The following TBC1D22B variants were observed in gnomAD, a reference collection of about 807,000 sequenced individuals.
TBC1D22B encodes the protein TBC1 domain family member 22B.
TBC1D22B carries 32 observed loss-of-function variants against 69.1 expected under a neutral mutation model. The observed-to-expected ratio is 0.46, with a 90% CI of 0.35 to 0.62. The LOEUF is 0.62. Among genes scored for constraint, TBC1D22B ranks in the 20% least tolerant of loss-of-function variants. The pLI is 0.00. For missense variants in TBC1D22B, 462 were observed against 630.9 expected, an observed-to-expected ratio of 0.73 and a Z score of 2.87; for synonymous variants, 206 against 229.8, an observed-to-expected ratio of 0.90 and a Z score of 0.94.
intron 2 of TBC1D22B, among the ~76,000 whole-genome samples, 164 bp downstream of exon 2, chr6:37,269,814 T>C (rs915887040): frequency 6.6e-6 from 1 of 152,252 alleles, no homozygotes; most frequent in Non-Finnish European, 1.5e-5. Flanking sequence ...GGTCCATTGC[T>C]AAATGGGAAA....
At chr6:37,282,150 A>G (rs753230163) in intron 3 of TBC1D22B, 35 bp from the exon 4 acceptor site, 11 of 1,610,324 alleles carry the variant, frequency 6.8e-6, no homozygotes, top group Non-Finnish European at 9.3e-6. Flanking sequence ...TACTCCTCAC[A>G]CAGCCCGTTC....
chr6:37,294,703 A>G (rs1474438183), intron 8 of TBC1D22B, among the ~76,000 whole-genome samples: 1 of 152,222 alleles, frequency 6.6e-6, no homozygotes, highest in Non-Finnish European at 1.5e-5. Context: ...TGTTTATGGC[A>G]TGATTTATTG....
intron 8 of TBC1D22B, among the ~76,000 whole-genome samples, chr6:37,307,519 C>T (rs953016342): frequency 1.3e-5 from 2 of 151,964 alleles, no homozygotes; most frequent in African/African-American, 4.8e-5. Context: ...CCATGCCCGG[C>T]TAATTTTTAT....
chr6:37,330,462 C>T (rs113900811), intron 12 of TBC1D22B, among the ~76,000 whole-genome samples: 10,460 of 152,020 alleles, frequency 0.069, 438 homozygotes, highest in Non-Finnish European at 0.097. Flanking sequence ...TGGTTTCGAT[C>T]TCCTGACCTC....
At position 37,298,160 on chromosome 6, in the gene TBC1D22B, C is replaced by T. The variant is rs554658165; in HGVS notation, c.982+6803C>T. Among the ~76,000 whole-genome samples the T allele has an allele frequency of 3.4e-4, 52 of 151,984 alleles. 1 individual carries two copies. The East Asian group carries it at 8.1e-3, about 24-fold the overall frequency. On this transcript the variant is annotated intron_variant, in intron 8 of 12. Coordinates refer to ENST00000373491, the MANE Select transcript of TBC1D22B (RefSeq NM_017772.4). ...TGTATACCTATGTAACAAACCTGCG[C>T]GTCCTACACATGTATCCCAGAACTT...
At chr6:37,326,604 G>A (rs574486525) in intron 12 of TBC1D22B, among the ~76,000 whole-genome samples, 2 of 152,004 alleles carry the variant, frequency 1.3e-5, no homozygotes, top group South Asian at 2.1e-4. Context: ...CTGGCTTAAC[G>A]GTGAAACCCC....
intron 8 of TBC1D22B, among the ~76,000 whole-genome samples, chr6:37,306,043 G>A (rs1562060269): frequency 6.6e-6 from 1 of 152,198 alleles, no homozygotes; most frequent in South Asian, 2.1e-4. Context: ...TGCCAGCAGT[G>A]TGTGGAGATA....
intron 2 of TBC1D22B, among the ~76,000 whole-genome samples, chr6:37,270,854 A>G (rs1452967751): frequency 1.3e-5 from 2 of 152,180 alleles, no homozygotes; most frequent in South Asian, 2.1e-4. Flanking sequence ...AGGGAAGTAA[A>G]GATAATGTAC....
At chr6:37,315,504 C>T (rs897796708) in intron 10 of TBC1D22B, among the ~76,000 whole-genome samples, 1 of 151,602 alleles carries the variant, frequency 6.6e-6, no homozygotes, top group Admixed American at 6.6e-5. Context: ...CTACAGTGAG[C>T]CAAGATCGCA....
chr6:37,317,015 A>G (rs1768104820), intron 11 of TBC1D22B, 96 bp from the exon 12 acceptor site: 3 of 1,470,510 alleles, frequency 2.0e-6, no homozygotes, highest in Middle Eastern at 1.7e-4. Context: ...CAACCGTGAA[A>G]GAGTTTCCCA....
chr6:37,302,195 G>T (rs535269850), intron 8 of TBC1D22B, among the ~76,000 whole-genome samples: 2 of 152,324 alleles, frequency 1.3e-5, no homozygotes, highest in Admixed American at 6.5e-5. Flanking sequence ...TATAGCTCTA[G>T]CCTTGCCCCC....
chr6:37,321,435 G>A (rs1345909951), intron 12 of TBC1D22B, among the ~76,000 whole-genome samples: 1 of 152,174 alleles, frequency 6.6e-6, no homozygotes, highest in Non-Finnish European at 1.5e-5. Context: ...GAGGTTGCTA[G>A]CAGGCTTTCT....
chr6:37,282,590 A>G (rs949679351), intron 4 of TBC1D22B, among the ~76,000 whole-genome samples: 2 of 152,214 alleles, frequency 1.3e-5, no homozygotes, highest in East Asian at 3.8e-4. Context: ...TAGTGCAACT[A>G]TTCTGACTTT....
intron 12 of TBC1D22B, among the ~76,000 whole-genome samples, chr6:37,326,431 G>A (rs974105419): frequency 6.6e-6 from 1 of 150,686 alleles, no homozygotes; most frequent in Non-Finnish European, 1.5e-5. Context: ...TTTGTTGGCT[G>A]TTCTTGTTTG....
chr6:37,306,461 G>A (rs867054458), intron 8 of TBC1D22B, among the ~76,000 whole-genome samples: 13 of 152,152 alleles, frequency 8.5e-5, no homozygotes, highest in African/African-American at 2.7e-4. Context: ...TCTGTGAGTG[G>A]TCTTTGGGCA....
intron 2 of TBC1D22B, among the ~76,000 whole-genome samples, chr6:37,274,705 G>A (rs1416316822): frequency 1.3e-5 from 2 of 152,206 alleles, no homozygotes; most frequent in Non-Finnish European, 2.9e-5. Context: ...TATGGTGAAG[G>A]TGTTCGTCAG....
At chr6:37,327,641 G>A (rs11963704) in intron 12 of TBC1D22B, among the ~76,000 whole-genome samples, 186 of 152,270 alleles carry the variant, frequency 1.2e-3, no homozygotes, top group African/African-American at 3.5e-3. Context: ...AAGATGTTCC[G>A]ATCAGCTAAA....
chr6:37,318,516 G>C (rs1768146076), intron 12 of TBC1D22B, among the ~76,000 whole-genome samples: 1 of 152,178 alleles, frequency 6.6e-6, no homozygotes, highest in South Asian at 2.1e-4. Flanking sequence ...ATAAATTTAG[G>C]AGCCTTTGCC....
chr6:37,278,989 T>C (rs569670123), intron 2 of TBC1D22B, among the ~76,000 whole-genome samples: 46 of 152,088 alleles, frequency 3.0e-4, no homozygotes, highest in South Asian at 2.7e-3. Context: ...TGCCTGGAAG[T>C]AATCGCCTCA....
Sources: gnomAD v4.1 joint callset for allele counts (sites outside exome capture counted in the v4.1 genomes callset) on GRCh38, gnomAD v4.1.1 for gene constraint, MANE v1.5 for transcripts, NCBI Gene and HGNC (gene_info 2026-07-23, HGNC 2026-07-21) for gene names.